NRP2: variants seen among roughly 807,000 people sequenced by gnomAD.
NRP2 encodes the protein neuropilin-2.
Under a neutral mutation model 110.4 loss-of-function variants are expected in NRP2, and 52 were observed. The observed-to-expected ratio is 0.47, with a 90% CI of 0.38 to 0.59. The LOEUF (loss-of-function observed/expected upper bound fraction) is 0.59, where lower values mean the gene tolerates loss of function less well. Among genes scored for constraint, NRP2 ranks in the 20% least tolerant of loss-of-function variants. The pLI is 0.00. For synonymous variants in NRP2, 508 were observed against 468.9 expected (o/e 1.08, Z -1.08); for missense variants, 1,049 against 1,203.0 (o/e 0.87, Z 1.89).
In NRP2 at chr2:205,725,475, A is replaced by C. The variant is rs1481597295; in HGVS notation, c.821-438A>C. Among the ~76,000 whole-genome samples, 4 of 152,188 alleles carry C rather than the reference A, an allele frequency of 2.6e-5. No homozygotes were observed. Among genetic ancestry groups the C allele is most frequent in the Non-Finnish European group, 5.9e-5 (4 of 68,044 alleles). ...TGTGCCAGAACTCACAAGACAGTTGAGTGAAAAAAGAAAGAAGCAAAAGTG... is the reference window on the plus strand; with the variant it reads ...TGTGCCAGAACTCACAAGACAGTTGCGTGAAAAAAGAAAGAAGCAAAAGTG... On this transcript the variant is annotated intron_variant, in intron 5 of 16. Coordinates refer to ENST00000357785, the MANE Select transcript of NRP2 (RefSeq NM_003872.3). This position sits in a 1 kb window ranked among gnomAD's most constrained non-coding sequence, Gnocchi z 4.1.
intron 15 of NRP2, chr2:205,776,914 G>A: frequency 8.4e-7 from 1 of 1,195,384 alleles, no homozygotes; most frequent in Non-Finnish European, 1.1e-6. Context: ...GACGTGAGGG[G>A]AAGCCTGGAT....
At chr2:205,786,762 A>G (rs1347807134) in intron 15 of NRP2, among the ~76,000 whole-genome samples, 1 of 152,198 alleles carries the variant, frequency 6.6e-6, no homozygotes, top group Non-Finnish European at 1.5e-5. Flanking sequence ...TATAGGCACA[A>G]TTTACCCACT....
At chr2:205,742,240 A>G (rs1438313861) in intron 8 of NRP2, among the ~76,000 whole-genome samples, 1 of 152,256 alleles carries the variant, frequency 6.6e-6, no homozygotes, top group Non-Finnish European at 1.5e-5. Flanking sequence ...CTTGCCTGAC[A>G]TCATTTATTC....
intron 12 of NRP2, chr2:205,760,726 G>C (rs1409116560): frequency 6.6e-6 from 1 of 152,124 alleles, no homozygotes; most frequent in East Asian, 1.9e-4. Flanking sequence ...GTAACAGGAA[G>C]GGTAAGTAGA....
chr2:205,750,538 C>A (rs1382986062), intron 11 of NRP2, among the ~76,000 whole-genome samples: 1 of 152,160 alleles, frequency 6.6e-6, no homozygotes, highest in Non-Finnish European at 1.5e-5. Flanking sequence ...CGGAGTATAT[C>A]CAAGTTAGAT....
chr2:205,711,513 G>A (rs73983236), intron 2 of NRP2, among the ~76,000 whole-genome samples: 6,821 of 152,250 alleles, frequency 0.045, 517 homozygotes, highest in African/African-American at 0.15. Context: ...AAGCACCAAT[G>A]AGGAGTACTG....
rs539393126 is a variant in NRP2, at chr2:205,776,794, C to T, written c.2425+9991C>T. 2.9e-6 allele frequency: 4 copies of T among 1,364,664 alleles called. No homozygotes were observed. In the African/African-American group the frequency reaches 5.9e-5, roughly 20 times the overall value. 84.5% of individuals were successfully genotyped at this position (1,364,664 alleles called of 1,614,324 possible). ...TTGGACTATCCGAAGAGATCCACCC[C>T]CAAGCACTCCACAACTCAAGGCTCA... On this transcript the variant is annotated intron_variant, in intron 15 of 16. Coordinates refer to ENST00000357785, the MANE Select transcript of NRP2 (RefSeq NM_003872.3).
At chr2:205,722,077 CTT>C (rs761133143) in intron 3 of NRP2, among the ~76,000 whole-genome samples, 9 of 151,744 alleles carry the variant, frequency 5.9e-5, no homozygotes, top group Non-Finnish European at 1.2e-4. Flanking sequence ...ATTGAAATAA[CTT>C]ACATTTCTGG....
chr2:205,721,409 CATTCATTGCGTGAAT>C (rs2057008768), intron 3 of NRP2, among the ~76,000 whole-genome samples: 1 of 152,220 alleles, frequency 6.6e-6, no homozygotes, highest in South Asian at 2.1e-4. Flanking sequence ...CCAGCACTTT[CATTCATTGCGTGAAT>C]GTGCATGAGC....
intron 15 of NRP2, among the ~76,000 whole-genome samples, chr2:205,775,705 G>A (rs1223410816): frequency 6.6e-6 from 1 of 152,202 alleles, no homozygotes; most frequent in Non-Finnish European, 1.5e-5. Flanking sequence ...TTAATACATT[G>A]TTGCTGAGAA....
chr2:205,790,045 T>A (rs1419264084), intron 15 of NRP2, among the ~76,000 whole-genome samples: 1 of 152,198 alleles, frequency 6.6e-6, no homozygotes, highest in Non-Finnish European at 1.5e-5. Flanking sequence ...GATTAACTTA[T>A]CCTTTTTTTG....
At chr2:205,717,126 T>G (rs923173956) in intron 3 of NRP2, among the ~76,000 whole-genome samples, 3 of 134,174 alleles carry the variant, frequency 2.2e-5, no homozygotes, top group African/African-American at 7.8e-5. Context: ...CCCCGCTTCA[T>G]CAGCTACACT....
intron 3 of NRP2, among the ~76,000 whole-genome samples, chr2:205,718,638 G>A (rs1003463522): frequency 2.6e-5 from 4 of 152,142 alleles, no homozygotes; most frequent in East Asian, 1.9e-4. Context: ...GCAACTGTCC[G>A]CATGACAGTC....
intron 1 of NRP2, among the ~76,000 whole-genome samples, chr2:205,693,488 T>C (rs2056355719): frequency 6.6e-6 from 1 of 152,076 alleles, no homozygotes; most frequent in Non-Finnish European, 1.5e-5. Context: ...TTTTATGTTC[T>C]TTGTACATGG....
At chr2:205,688,652 G>A (rs2056231903) in intron 1 of NRP2, among the ~76,000 whole-genome samples, 2 of 152,110 alleles carry the variant, frequency 1.3e-5, no homozygotes, top group African/African-American at 2.4e-5. Flanking sequence ...TATTAATAAG[G>A]AGAAATTAAT....
At chr2:205,794,434 T>C (rs2058333686) in intron 16 of NRP2, among the ~76,000 whole-genome samples, 1 of 152,202 alleles carries the variant, frequency 6.6e-6, no homozygotes, top group Admixed American at 6.5e-5. Flanking sequence ...TATCGGATAC[T>C]TAGTACTTAC....
rs78176793 is a variant in NRP2, at chr2:205,686,812, C to T, written c.73+3449C>T. On this transcript the variant is annotated intron_variant, in intron 1 of 16. Coordinates refer to ENST00000357785, the MANE Select transcript of NRP2 (RefSeq NM_003872.3). The surrounding 1 kb of genome is among the most constrained non-coding windows in gnomAD (Gnocchi z 4.7). ...TTGGCGTGTGCTCCCTGCTCGGCTC[C>T]CCTCCCTCCACTTCCTGTTCTTTCG... is the stretch of plus-strand genomic sequence containing the variant. 4.2e-3 allele frequency among the ~76,000 whole-genome samples: 640 copies of T among 152,324 alleles called. 1 individual carries two copies. Among genetic ancestry groups the T allele is most frequent in the African/African-American group, 0.014 (596 of 41,566 alleles).
intron 7 of NRP2, among the ~76,000 whole-genome samples, chr2:205,728,365 A>G (rs2057171159): frequency 6.6e-6 from 1 of 152,190 alleles, no homozygotes; most frequent in Non-Finnish European, 1.5e-5. Flanking sequence ...TTCACTGAAC[A>G]TTTATGGCCT....
intron 2 of NRP2, 105 bp downstream of exon 2, chr2:205,697,826 T>G: frequency 1.8e-6 from 2 of 1,127,346 alleles, no homozygotes; most frequent in Non-Finnish European, 2.7e-6. Context: ...CAAGACCTGC[T>G]GCTAACCAGT....
Sources: gnomAD v4.1 joint callset for allele counts (sites outside exome capture counted in the v4.1 genomes callset) on GRCh38, gnomAD v4.1.1 for gene constraint, Gnocchi (gnomAD v3.1) non-coding constraint, MANE v1.5 for transcripts, NCBI Gene and HGNC (gene_info 2026-07-23, HGNC 2026-07-21) for gene names.